KDM5A: variants seen among roughly 807,000 people sequenced by gnomAD.
The protein encoded by KDM5A is lysine demethylase 5A.
KDM5A carries 42 observed loss-of-function variants against 193.5 expected under a neutral mutation model. The observed-to-expected ratio is 0.22, with a 90% CI of 0.17 to 0.28. The LOEUF is 0.28. Ranked by LOEUF, KDM5A falls within the 10% of genes least tolerant of loss-of-function variation. KDM5A has a pLI of 1.00. For synonymous variants in KDM5A, 796 were observed against 718.1 expected, an observed-to-expected ratio of 1.11 and a Z score of -1.73; for missense variants, 1,692 against 2,055.1, an observed-to-expected ratio of 0.82 and a Z score of 3.42.
At chr12:387,041 A>C (rs1344772643) in intron 1 of KDM5A, among the ~76,000 whole-genome samples, 1 of 152,208 alleles carries the variant, frequency 6.6e-6, no homozygotes, top group Non-Finnish European at 1.5e-5. Context: ...TGTTACACAA[A>C]TGTTTTGTTC....
In KDM5A at chr12:307,368, AAT is replaced by A. The variant is rs754794881; in HGVS notation, c.3930+84_3930+85del. ...GCTGACAAGTTACTGTTATTTTCCT[AAT>A]CAATTGGTAAGACAGACTCAATTTA... is the stretch of plus-strand genomic sequence containing the variant. On this transcript the variant is annotated intron_variant, in intron 23 of 27. Transcript: ENST00000399788. The surrounding 1 kb of genome is among the most constrained non-coding windows in gnomAD (Gnocchi z 4.3). 426 of 1,396,336 alleles carry A rather than the reference AAT, an allele frequency of 3.1e-4. 1 individual carries two copies. The highest frequency in any genetic ancestry group is 1.8e-3 in the Admixed American group (102 of 58,218). 86.5% of individuals were successfully genotyped at this position (1,396,336 alleles called of 1,614,324 possible).
At chr12:298,426 C>T (rs1943400520) in intron 24 of KDM5A, among the ~76,000 whole-genome samples, 1 of 152,090 alleles carries the variant, frequency 6.6e-6, no homozygotes, top group East Asian at 1.9e-4. Flanking sequence ...TGGACCTCCA[C>T]CAAACTCCAG....
In KDM5A at chr12:350,741, C is replaced by A. The variant is rs776024339; in HGVS notation, c.1188G>T (p.Arg396=). The A allele has an allele frequency of 4.3e-6, 7 of 1,613,906 alleles. 1 individual carries two copies. Among genetic ancestry groups the A allele is most frequent in the South Asian group, 2.2e-5 (2 of 91,088 alleles). Residue 396 remains arginine (R), a synonymous_variant, in exon 10 of 28, where the codon CGG becomes CGT. Transcript: ENST00000399788. ...CATCTTCTTCAATGCTGCTTACCAG[C>A]CGCCAAAATTCCTTTTCTACTAGTT... ...PTELVEKEFW[R]LVSSIEEDVI...
chr12:296,608 G>A (rs1172986595), intron 25 of KDM5A, among the ~76,000 whole-genome samples: 1 of 152,054 alleles, frequency 6.6e-6, no homozygotes, highest in African/African-American at 2.4e-5. Flanking sequence ...TTTTTGCTGA[G>A]GGACAGAAAA....
At chr12:323,033 T>G (rs542066296) in intron 16 of KDM5A, 49 bp downstream of exon 16, 1 of 1,611,524 alleles carries the variant, frequency 6.2e-7, no homozygotes, top group African/African-American at 1.3e-5. Context: ...AAGCCTCTTT[T>G]AAAGTGACAA....
At chr12:375,063 C>T (rs1308328512) in intron 3 of KDM5A, among the ~76,000 whole-genome samples, 2 of 152,130 alleles carry the variant, frequency 1.3e-5, no homozygotes, top group African/African-American at 4.8e-5. Flanking sequence ...CTTGGAGTTG[C>T]TCTTCTCCAG....
At chr12:381,088 G>A (rs537961638) in intron 3 of KDM5A, among the ~76,000 whole-genome samples, 49 of 152,168 alleles carry the variant, frequency 3.2e-4, no homozygotes, top group African/African-American at 1.2e-3. Flanking sequence ...TCCACCTCCC[G>A]GGTTCAAGCA....
At chr12:303,932 C>T (rs959004157) in intron 24 of KDM5A, among the ~76,000 whole-genome samples, 2 of 152,170 alleles carry the variant, frequency 1.3e-5, no homozygotes, top group Non-Finnish European at 2.9e-5. Flanking sequence ...AGTATAGTAG[C>T]AGGTCTTTGA....
intron 24 of KDM5A, among the ~76,000 whole-genome samples, chr12:304,935 T>C (rs1943486747): frequency 6.6e-6 from 1 of 152,182 alleles, no homozygotes. Context: ...AAGCTAATTA[T>C]ACTTGGCATG....
At chr12:387,620 G>T (rs1944653864) in intron 1 of KDM5A, among the ~76,000 whole-genome samples, 2 of 152,106 alleles carry the variant, frequency 1.3e-5, no homozygotes, top group Non-Finnish European at 2.9e-5. Context: ...AGAGCATTAC[G>T]TCTGTTTCAG....
chr12:384,218 G>A (rs1228260558), intron 2 of KDM5A, 65 bp from the exon 3 acceptor site: 1 of 1,296,308 alleles, frequency 7.7e-7, no homozygotes, highest in Non-Finnish European at 1.1e-6. Flanking sequence ...ACAGAGCAGG[G>A]GTCCCCAAAC....
chr12:374,170 T>C (rs1944469820), intron 3 of KDM5A, among the ~76,000 whole-genome samples: 2 of 152,168 alleles, frequency 1.3e-5, no homozygotes, highest in Non-Finnish European at 1.5e-5. Context: ...TGTCTAATAT[T>C]GACAGTAGGG....
intron 27 of KDM5A, among the ~76,000 whole-genome samples, chr12:291,812 G>A (rs1943298106): frequency 6.6e-6 from 1 of 151,526 alleles, no homozygotes; most frequent in Non-Finnish European, 1.5e-5. Flanking sequence ...ATTACTCTCA[G>A]AAGTTCATAC....
At position 359,664 on chromosome 12, in the gene KDM5A, C is replaced by A. The variant is rs536054637; in HGVS notation, c.673-3127G>T. 1.3e-4 allele frequency among the ~76,000 whole-genome samples: 19 copies of A among 150,120 alleles called. No homozygotes were observed. In the East Asian group the frequency reaches 3.4e-3, roughly 26 times the overall value. On this transcript the variant is annotated intron_variant, in intron 5 of 27. Coordinates refer to ENST00000399788, the MANE Select transcript of KDM5A (RefSeq NM_001042603.3). ...GGCTGAGGTGGGAGGATGGCTTTAGCCCAGGAGGCAGAGGTTGCGATTAAC... is the reference window on the plus strand; with the variant it reads ...GGCTGAGGTGGGAGGATGGCTTTAGACCAGGAGGCAGAGGTTGCGATTAAC...
At chr12:297,291 T>G in intron 24 of KDM5A, 91 bp from the exon 25 acceptor site, 1 of 1,015,952 alleles carries the variant, frequency 9.8e-7, no homozygotes, top group Non-Finnish European at 1.5e-6. Context: ...AGGTTAAAGC[T>G]TCTAATATAC....
At chr12:381,152 G>A (rs577574514) in intron 3 of KDM5A, among the ~76,000 whole-genome samples, 4 of 152,166 alleles carry the variant, frequency 2.6e-5, no homozygotes, top group African/African-American at 7.2e-5. Context: ...GTGCCACCAC[G>A]TCCGGCTAAT....
At chr12:385,515 A>G (rs1944628925) in intron 2 of KDM5A, among the ~76,000 whole-genome samples, 1 of 152,146 alleles carries the variant, frequency 6.6e-6, no homozygotes, top group African/African-American at 2.4e-5. Context: ...AACCAAAACC[A>G]AACCAAAACA....
intron 19 of KDM5A, 123 bp downstream of exon 19, chr12:317,983 A>G: frequency 1.3e-6 from 1 of 749,254 alleles, no homozygotes; most frequent in Non-Finnish European, 2.3e-6. Context: ...CTACTTATAC[A>G]TTAAAATCCT....
chr12:304,847 A>T (rs111500565), intron 24 of KDM5A, among the ~76,000 whole-genome samples: 15 of 152,314 alleles, frequency 9.8e-5, no homozygotes, highest in African/African-American at 3.4e-4. Flanking sequence ...GCTGATAGCT[A>T]ATGTGCTAGA....
Sources: allele counts gnomAD v4.1 joint callset (sites outside exome capture counted in the v4.1 genomes callset), GRCh38; gene constraint gnomAD v4.1.1; non-coding constraint Gnocchi (gnomAD v3.1); transcripts MANE v1.5; gene names NCBI Gene and HGNC (gene_info 2026-07-23, HGNC 2026-07-21).